The following FOXF2 variants were observed in gnomAD, a reference collection of about 807,000 sequenced individuals.
FOXF2 encodes the protein forkhead box protein F2.
In FOXF2, 15 loss-of-function variants were observed where a neutral mutation model predicts 29.1. That is an observed-to-expected ratio of 0.52 (90% CI 0.35 to 0.79). FOXF2 has a LOEUF of 0.79. FOXF2 is among the 30% of genes least tolerant of loss of function. The pLI is 0.01. For missense variants in FOXF2, 675 were observed against 667.1 expected (o/e 1.01, Z -0.13); for synonymous variants, 337 against 316.5 (o/e 1.06, Z -0.69).
rs543701015 is a variant in FOXF2, at chr6:1,393,455, C to CA, written c.1172-1240dup. Among the ~76,000 whole-genome samples, 38 of 152,260 alleles carry CA rather than the reference C, an allele frequency of 2.5e-4. No homozygotes were observed. In the South Asian group the frequency reaches 5.6e-3, roughly 22 times the overall value. ...CTTGCTTTAACGCGACGAGGGAACT[C>CA]ACCTGTGTGCAGAGCGCCGCGCACA... is the stretch of plus-strand genomic sequence containing the variant. On this transcript the variant is annotated intron_variant, in intron 1 of 1. Transcript: ENST00000645481.
chr6:1,391,152 C>T, intron 1 of FOXF2, 34 bp downstream of exon 1: 1 of 1,596,642 alleles, frequency 6.3e-7, no homozygotes, highest in Non-Finnish European at 8.5e-7. Context: ...GCCAGCTGGG[C>T]GCACCGCTTC....
chr6:1,391,222 G>A, intron 1 of FOXF2, 104 bp downstream of exon 1: 1 of 1,545,880 alleles, frequency 6.5e-7, no homozygotes. Flanking sequence ...GAAGCTAGGA[G>A]GTCTGAGGGC....
chr6:1,393,885 G>C (rs112003831), intron 1 of FOXF2, among the ~76,000 whole-genome samples: 1 of 152,188 alleles, frequency 6.6e-6, no homozygotes, highest in Non-Finnish European at 1.5e-5. Flanking sequence ...AGCCGGCGGC[G>C]GGTGGAGGTC....
intron 1 of FOXF2, among the ~76,000 whole-genome samples, chr6:1,392,438 A>T (rs6901462): frequency 0.13 from 5,416 of 41,572 alleles, 249 homozygotes; most frequent in East Asian, 0.48. Context: ...TGTCAATCAC[A>T]CACACACACA....
At chr6:1,392,433 A>ACCACACACACAC (rs1561785439) in intron 1 of FOXF2, among the ~76,000 whole-genome samples, 43 of 86,300 alleles carry the variant, frequency 5.0e-4, no homozygotes, top group African/African-American at 2.3e-3. Context: ...CCGGCTGTCA[A>ACCACACACACAC]TCACACACAC....
chr6:1,391,435 C>G (rs1758786376), intron 1 of FOXF2, among the ~76,000 whole-genome samples: 4 of 152,242 alleles, frequency 2.6e-5, no homozygotes, highest in African/African-American at 9.6e-5. Flanking sequence ...CGTTCAGAGT[C>G]TCACTTAGCT....
intron 1 of FOXF2, among the ~76,000 whole-genome samples, chr6:1,392,458 A>T (rs1219986833): frequency 2.0e-5 from 3 of 150,870 alleles, no homozygotes; most frequent in African/African-American, 4.9e-5. Flanking sequence ...ACACACACAC[A>T]CACACACACA....
chr6:1,390,071 C>CCGCCT lies in FOXF2; in HGVS notation c.126_127insCCTCG (p.Glu43ProfsTer81), dbSNP rs745916388. ...CGCCGCCGCCGCCGCCGCCGCCGCC[C>CCGCCT]CGGAGACCACCTCCTCCTCCTCGTC... On this transcript the variant is annotated frameshift_variant, in exon 1 of 2. Transcript: ENST00000645481. LOFTEE classifies it high-confidence loss of function. The surrounding 1 kb of genome is among the most constrained non-coding windows in gnomAD (Gnocchi z 8.5). 5.3e-5 allele frequency: 73 copies of CCGCCT among 1,381,686 alleles called. No individual in the cohort carries two copies. Among genetic ancestry groups the CCGCCT allele is most frequent in the Middle Eastern group, 4.9e-4 (2 of 4,080 alleles). 85.6% of individuals were successfully genotyped at this position (1,381,686 alleles called of 1,614,324 possible). A position where few individuals can be genotyped will look rare whatever the true frequency, so the allele number is the denominator to read the frequency against.
At position 1,394,711 on chromosome 6, in the gene FOXF2, A is replaced by C. The variant is rs1325430249; in HGVS notation, c.1187A>C (p.Tyr396Ser). The change falls in exon 2 of 2, where the codon TAC (tyrosine) becomes TCC (serine). Residue 396 changes from tyrosine (Y) to serine (S), a missense_variant. Physicochemically the swap from Tyr to Ser is moderately radical, Grantham distance 144. Around this residue, in one of 3 missense-constraint regions of FOXF2, gnomAD observed 451 missense variants for 437.2 expected, o/e 1.03. Coordinates refer to ENST00000645481, the MANE Select transcript of FOXF2 (RefSeq NM_001452.2). Reference protein sequence around the residue: ...REDLSVGLPRYQHHSTPVCDR... With the variant: ...REDLSVGLPRSQHHSTPVCDR... ...CTTCTTTCAGTGGGACTGCCCCGTT[A>C]CCAGCATCACTCTACTCCAGTGTGT... 6.2e-7 allele frequency: 1 copy of C among 1,614,086 alleles called. No homozygotes were observed.
At chr6:1,392,592 C>A (rs1226078341) in intron 1 of FOXF2, among the ~76,000 whole-genome samples, 4 of 152,060 alleles carry the variant, frequency 2.6e-5, no homozygotes, top group African/African-American at 4.8e-5. Flanking sequence ...CAACTTGAAC[C>A]CGGACTCTGA....
rs763628072 is a variant in FOXF2 at position 1,390,901 on chromosome 6, C to T, written c.954C>T (p.Pro318=). 6.5e-7 allele frequency: 1 copy of T among 1,538,636 alleles called. No individual in the cohort carries two copies. The highest frequency in any genetic ancestry group is 1.8e-4 in the Middle Eastern group (1 of 5,686). Residue 318 remains proline (P), a synonymous_variant, in exon 1 of 2, where the codon CCC becomes CCT. Transcript: ENST00000645481. This position sits in a 1 kb window ranked among gnomAD's most constrained non-coding sequence, Gnocchi z 8.5. ...CGGACAGCAGCAGCAGCCCGGTACC[C>T]TCGTCCCCGGCCATGGCGAGCGCCA... ...YGPDSSSSPV[P]SSPAMASAIE...
At position 1,390,166 on chromosome 6, in the gene FOXF2, C is replaced by G. The variant is rs1364823583; in HGVS notation, c.219C>G (p.Cys73Trp). ...SNSASAPSAACKSAGGGGAGA... is the reference protein window; with the variant it reads ...SNSASAPSAAWKSAGGGGAGA... ...CGGCCAGCGCCCCCTCGGCTGCCTG[C>G]AAGAGCGCGGGCGGCGGCGGCGCGG... is the stretch of plus-strand genomic sequence containing the variant. The change falls in exon 1 of 2, where the codon TGC becomes TGG. Residue 73 changes from cysteine (C) to tryptophan (W), a missense_variant. Coordinates refer to ENST00000645481, the MANE Select transcript of FOXF2 (RefSeq NM_001452.2). This position sits in a 1 kb window ranked among gnomAD's most constrained non-coding sequence, Gnocchi z 8.5. The G allele has an allele frequency of 1.4e-6, 2 of 1,465,914 alleles. No homozygotes were observed. Among genetic ancestry groups the G allele is most frequent in the Non-Finnish European group, 1.8e-6 (2 of 1,104,928 alleles). The allele number at this position is 1,465,914 out of a possible 1,614,324, so 90.8% of individuals were successfully genotyped here. A position where few individuals can be genotyped will look rare whatever the true frequency, so the allele number is the denominator to read the frequency against.
At chr6:1,393,329 G>T (rs1212464089) in intron 1 of FOXF2, among the ~76,000 whole-genome samples, 1 of 152,026 alleles carries the variant, frequency 6.6e-6, no homozygotes, top group Non-Finnish European at 1.5e-5. Context: ...ATCCCGCTCA[G>T]CACATCAAAG....
Position 1,394,910 on chromosome 6 carries a change from G to A in FOXF2, c.*51G>A, listed in dbSNP as rs1336062752. 3.1e-6 allele frequency: 5 copies of A among 1,593,632 alleles called. No homozygotes were observed. The highest frequency in any genetic ancestry group is 1.3e-5 in the African/African-American group (1 of 74,610). ...CTCTCTCCTCTCCCCTCCTCAGAGG[G>A]GGCAGATAGAAACTGGGACGGATTC... On this transcript the variant is annotated 3_prime_UTR_variant, in exon 2 of 2. Transcript: ENST00000645481.
At chr6:1,391,222 G>T in intron 1 of FOXF2, 104 bp downstream of exon 1, 1 of 1,545,880 alleles carries the variant, frequency 6.5e-7, no homozygotes, top group Non-Finnish European at 8.7e-7. Context: ...GAAGCTAGGA[G>T]GTCTGAGGGC....
intron 1 of FOXF2, among the ~76,000 whole-genome samples, chr6:1,394,258 G>T (rs1374937619): frequency 2.6e-5 from 4 of 152,210 alleles, no homozygotes; most frequent in Non-Finnish European, 4.4e-5. Flanking sequence ...GGCCGCAGTG[G>T]TGTTTCTGGG....
chr6:1,390,062 G>A lies in FOXF2; in HGVS notation c.115G>A (p.Ala39Thr), dbSNP rs1243463177. 8.6e-6 allele frequency: 12 copies of A among 1,389,678 alleles called. No homozygotes were observed. In the African/African-American group the frequency reaches 1.1e-4, roughly 12 times the overall value. The allele number at this position is 1,389,678 out of a possible 1,614,324, so 86.1% of individuals were successfully genotyped here. ...SPPPAAAAAA[A>T]AAPETTSSSS... ...GCCGCCCGCCGCCGCCGCCGCCGCC[G>A]CCGCCGCCCCGGAGACCACCTCCTC... is the stretch of plus-strand genomic sequence containing the variant. Residue 39 changes from alanine (A) to threonine (T), a missense_variant, in exon 1 of 2, where the codon GCC becomes ACC. Around this residue, in one of 3 missense-constraint regions of FOXF2, gnomAD observed 220 missense variants for 205.5 expected, o/e 1.07. Transcript: ENST00000645481. The surrounding 1 kb of genome is among the most constrained non-coding windows in gnomAD (Gnocchi z 8.5).
intron 1 of FOXF2, 28 bp downstream of exon 1, chr6:1,391,146 G>T (rs772715299): frequency 1.9e-6 from 3 of 1,597,886 alleles, no homozygotes; most frequent in Non-Finnish European, 2.5e-6. Flanking sequence ...AGCCCAGCCA[G>T]CTGGGCGCAC....
At position 1,389,727 on chromosome 6, in the gene FOXF2, G is replaced by A. The variant is rs1758731012; in HGVS notation, c.-221G>A. 1.3e-5 allele frequency: 2 copies of A among 151,732 alleles called. No individual in the cohort carries two copies. The highest frequency in any genetic ancestry group is 1.8e-4 in the South Asian group (1 of 5,644). The allele number at this position is 151,732 out of a possible 1,614,324, so 9.4% of individuals were successfully genotyped here. On this transcript the variant is annotated 5_prime_UTR_variant, in exon 1 of 2. Transcript: ENST00000645481. ...AGGCAGGGCCCGCGGCTCGGGGAGG[G>A]ATGCGCCGGGCGTTGCCTCCCGCCC...
Sources: gnomAD v4.1 joint callset for allele counts (sites outside exome capture counted in the v4.1 genomes callset) on GRCh38, gnomAD v4.1.1 for gene constraint, gnomAD v4.1.1 regional missense constraint, Gnocchi (gnomAD v3.1) non-coding constraint, MANE v1.5 for transcripts, NCBI Gene and HGNC (gene_info 2026-07-23, HGNC 2026-07-21) for gene names.